DDX24: variants seen among roughly 807,000 people sequenced by gnomAD.
DDX24 encodes the protein DEAD-box helicase 24.
In DDX24, 24 loss-of-function variants were observed where a neutral mutation model predicts 68.9. The ratio of observed to expected loss-of-function variants is 0.35; its 90% CI spans 0.25 to 0.49. The LOEUF is 0.49. Ranked by LOEUF, DDX24 falls within the 20% of genes least tolerant of loss-of-function variation. DDX24 has a pLI of 0.99. For missense variants in DDX24, 989 were observed against 1,039.0 expected (o/e 0.95, Z 0.66); for synonymous variants, 395 against 385.2 (o/e 1.03, Z -0.30).
intron 6 of DDX24, chr14:94,055,580 C>T: frequency 5.1e-6 from 1 of 194,616 alleles, no homozygotes; most frequent in Non-Finnish European, 1.1e-5. Flanking sequence ...ACCCACTGAG[C>T]CCCTGGCACA....
At chr14:94,068,941 A>T (rs148830595) in intron 2 of DDX24, among the ~76,000 whole-genome samples, 1,904 of 152,316 alleles carry the variant, frequency 0.013, 43 homozygotes, top group African/African-American at 0.042. Context: ...ATCTAAGGTC[A>T]CATCTCAAGG....
At chr14:94,074,093 TAAAC>T (rs903439854) in intron 2 of DDX24, among the ~76,000 whole-genome samples, 3 of 151,754 alleles carry the variant, frequency 2.0e-5, no homozygotes, top group African/African-American at 7.3e-5. Context: ...TCTAATCTAT[TAAAC>T]AAAGTAAATT....
At chr14:94,062,767 TCCC>T (rs1344140584) in intron 2 of DDX24, 146 bp from the exon 3 acceptor site, 4 of 996,680 alleles carry the variant, frequency 4.0e-6, no homozygotes, top group Non-Finnish European at 5.6e-6. Flanking sequence ...TACACAGATT[TCCC>T]CAGAAGGAAC....
intron 1 of DDX24, among the ~76,000 whole-genome samples, chr14:94,080,442 G>C (rs551177514): frequency 6.6e-6 from 1 of 152,238 alleles, no homozygotes; most frequent in East Asian, 1.9e-4. Flanking sequence ...CAGATTCCGT[G>C]AAAAAGACCA....
intron 2 of DDX24, among the ~76,000 whole-genome samples, chr14:94,072,404 G>A (rs1332796077): frequency 6.6e-6 from 1 of 152,206 alleles, no homozygotes; most frequent in African/African-American, 2.4e-5. Context: ...AAGTTATGAG[G>A]ATGCAAAAGC....
chr14:94,052,992 G>GCTTA lies in DDX24; in HGVS notation c.2308+2_2308+5dup. 6.2e-7 allele frequency: 1 copy of GCTTA among 1,610,240 alleles called. No individual in the cohort carries two copies. The highest frequency in any genetic ancestry group is 1.1e-5 in the South Asian group (1 of 90,702). ...TCCTCAATTCCCATCCCGCCCAAGG[G>GCTTA]CTTACCCTTATACATGTCTTCTTCC... On this transcript the variant is annotated splice_donor_region_variant and intron_variant, in intron 8 of 8. Coordinates refer to ENST00000621632, the MANE Select transcript of DDX24 (RefSeq NM_020414.4).
In DDX24 at chr14:94,078,859, A is replaced by G. The variant is rs553367010; in HGVS notation, c.718+166T>C. The G allele has an allele frequency of 6.8e-4, 476 of 703,610 alleles. 7 individuals are homozygous for G. The South Asian group carries it at 8.7e-3, about 13-fold the overall frequency. 43.6% of individuals were successfully genotyped at this position (703,610 alleles called of 1,614,324 possible). A position where few individuals can be genotyped will look rare whatever the true frequency, so the allele number is the denominator to read the frequency against. The stretch of plus-strand genomic sequence containing the variant: ...AGTGATCTGGCTAGGATACCATTCA[A>G]GAAGAGCATATTTCAAACCAGAGGG... On this transcript the variant is annotated intron_variant, in intron 2 of 8. Coordinates refer to ENST00000621632, the MANE Select transcript of DDX24 (RefSeq NM_020414.4).
At chr14:94,059,716 C>T (rs184480126) in intron 5 of DDX24, among the ~76,000 whole-genome samples, 11 of 152,246 alleles carry the variant, frequency 7.2e-5, no homozygotes, top group African/African-American at 2.4e-4. Context: ...GATTTGATTT[C>T]AGGCATTCTG....
At chr14:94,069,606 TC>T (rs780239950) in intron 2 of DDX24, among the ~76,000 whole-genome samples, 45 of 152,086 alleles carry the variant, frequency 3.0e-4, no homozygotes, top group Non-Finnish European at 5.7e-4. Context: ...GATCCTAAAA[TC>T]CTTAACAAAA....
chr14:94,059,935 G>A, intron 5 of DDX24, among the ~76,000 whole-genome samples, 163 bp downstream of exon 5: 1 of 149,932 alleles, frequency 6.7e-6, no homozygotes. Context: ...CTAAATGACA[G>A]TAACCTTGCC....
At chr14:94,069,783 A>G (rs1885791626) in intron 2 of DDX24, among the ~76,000 whole-genome samples, 1 of 152,246 alleles carries the variant, frequency 6.6e-6, no homozygotes. Context: ...ATAGATGGAG[A>G]AAAAGCATTA....
At chr14:94,065,509 A>G (rs758856532) in intron 2 of DDX24, among the ~76,000 whole-genome samples, 2 of 152,196 alleles carry the variant, frequency 1.3e-5, no homozygotes, top group African/African-American at 2.4e-5. Context: ...TGCAGACAGG[A>G]GGGAGGACTA....
In DDX24 at chr14:94,062,098, T is replaced by C; in HGVS notation, c.1242A>G (p.Thr414=). Residue 414 remains threonine, a splice_region_variant and synonymous_variant, in exon 3 of 9, where the codon ACA becomes ACG. Coordinates refer to ENST00000621632, the MANE Select transcript of DDX24 (RefSeq NM_020414.4). ...KQHIDAVARF[T]GIKTAILVGG... is the part of the protein sequence containing the mutation. Reference sequence around the variant, plus strand: ...TTATTAAATGGAACTAAACCTCACCTGTAAACCTGGCCACAGCATCAATGT... The same window carrying C: ...TTATTAAATGGAACTAAACCTCACCCGTAAACCTGGCCACAGCATCAATGT... 6.2e-7 allele frequency: 1 copy of C among 1,607,696 alleles called. No individual in the cohort carries two copies. Among genetic ancestry groups the C allele is most frequent in the Non-Finnish European group, 8.5e-7 (1 of 1,176,124 alleles).
In DDX24 at chr14:94,062,371, G is replaced by A. The variant is rs367574129; in HGVS notation, c.969C>T (p.Gly323=). ...AGAGCAACGCCTGGTCTGAGACAGT[G>A]CCTCCAGTCTTGGCTCTGGCCTCGG... ...IAAEARAKTG[G]TVSDQALLFG... is the part of the protein sequence containing the mutation. The change falls in exon 3 of 9, where the codon GGC becomes GGT. Residue 323 remains glycine, a synonymous_variant. Coordinates refer to ENST00000621632, the MANE Select transcript of DDX24 (RefSeq NM_020414.4). 91 of 1,614,080 alleles carry A rather than the reference G, an allele frequency of 5.6e-5. No individual in the cohort carries two copies. The highest frequency in any genetic ancestry group is 8.0e-5 in the African/African-American group (6 of 74,920).
chr14:94,069,875 T>C (rs868792824), intron 2 of DDX24, among the ~76,000 whole-genome samples: 24 of 152,194 alleles, frequency 1.6e-4, no homozygotes, highest in Middle Eastern at 3.4e-3. Context: ...AATAAAAGCC[T>C]TCTATGACAA....
chr14:94,072,220 A>G (rs1164047643), intron 2 of DDX24, among the ~76,000 whole-genome samples: 1 of 152,246 alleles, frequency 6.6e-6, no homozygotes, highest in East Asian at 1.9e-4. Flanking sequence ...CCATCAATCA[A>G]CGAGTAGATA....
chr14:94,061,305 AACCAC>A (rs987775302), intron 3 of DDX24, among the ~76,000 whole-genome samples: 13 of 151,972 alleles, frequency 8.6e-5, no homozygotes, highest in African/African-American at 3.1e-4. Context: ...CCTCCCCTCC[AACCAC>A]ACCAAAGGGG....
At chr14:94,052,095 T>C (rs1885399034) in intron 8 of DDX24, among the ~76,000 whole-genome samples, 1 of 152,226 alleles carries the variant, frequency 6.6e-6, no homozygotes, top group South Asian at 2.1e-4. Flanking sequence ...TCAAGCCCAC[T>C]GGTTTGGCTC....
chr14:94,079,787 G>C, intron 1 of DDX24, 40 bp from the exon 2 acceptor site: 1 of 1,563,014 alleles, frequency 6.4e-7, no homozygotes, highest in East Asian at 2.2e-5. Context: ...TGGTGTCTGA[G>C]AAGCAGAGGG....
Sources: allele counts gnomAD v4.1 joint callset (sites outside exome capture counted in the v4.1 genomes callset), GRCh38; gene constraint gnomAD v4.1.1; transcripts MANE v1.5; gene names NCBI Gene and HGNC (gene_info 2026-07-23, HGNC 2026-07-21).